Variants in ASTN2 observed in about 807,000 individuals in gnomAD.
ASTN2 encodes the protein astrotactin-2.
A neutral mutation model predicts 139.8 loss-of-function variants in ASTN2; 54 were observed. The ratio of observed to expected loss-of-function variants is 0.39; its 90% CI spans 0.31 to 0.48. The LOEUF (loss-of-function observed/expected upper bound fraction) is 0.48. Among genes scored for constraint, ASTN2 ranks in the 20% least tolerant of loss-of-function variants. ASTN2 has a pLI of 0.95. For missense variants in ASTN2, 1,565 were observed against 1,725.1 expected, an observed-to-expected ratio of 0.91 and a Z score of 1.64; for synonymous variants, 756 against 719.5, an observed-to-expected ratio of 1.05 and a Z score of -0.81.
intron 1 of ASTN2, among the ~76,000 whole-genome samples, chr9:117,379,021 C>T (rs1564174864): frequency 6.6e-6 from 1 of 152,134 alleles, no homozygotes. Context: ...ACGTCATGCT[C>T]CCTCTTTGCC....
chr9:116,473,997 T>G (rs1848900511), intron 20 of ASTN2, among the ~76,000 whole-genome samples: 1 of 152,184 alleles, frequency 6.6e-6, no homozygotes, highest in Non-Finnish European at 1.5e-5. Context: ...GCTCTGCATG[T>G]GTATTTGTTT....
In ASTN2 at chr9:116,520,810, A is replaced by G. The variant is rs1401705739; in HGVS notation, c.3356-33310T>C. ...TAAATGAATTCAGCAAAGCTTCAGG[A>G]TAGAAAATTAATGTACACAAATCAG... On this transcript the variant is annotated intron_variant, in intron 19 of 22. Coordinates refer to ENST00000313400, the MANE Select transcript of ASTN2 (RefSeq NM_001365068.1). Among the ~76,000 whole-genome samples the G allele has an allele frequency of 2.6e-5, 4 of 152,180 alleles. No homozygotes were observed. In the East Asian group the frequency reaches 7.7e-4, roughly 29 times the overall value.
Position 116,921,504 on chromosome 9 carries a change from T to G in ASTN2, c.1889+53704A>C, listed in dbSNP as rs1834604136. Among the ~76,000 whole-genome samples, 5 of 147,498 alleles carry G rather than the reference T, an allele frequency of 3.4e-5. No homozygotes were observed. The South Asian group carries it at 1.1e-3, about 31-fold the overall frequency. ...TCCGGAGGCTGAGGCAGGAGAATGG[T>G]GTGAACCTGGGAAGCGGAGCTTGCA... is the stretch of plus-strand genomic sequence containing the variant. On this transcript the variant is annotated intron_variant, in intron 10 of 22. Coordinates refer to ENST00000313400, the MANE Select transcript of ASTN2 (RefSeq NM_001365068.1).
At chr9:116,686,891 C>A in intron 16 of ASTN2, 1 of 1,525,746 alleles carries the variant, frequency 6.6e-7, no homozygotes, top group South Asian at 1.2e-5. Flanking sequence ...TCCCGGTTCT[C>A]GACTTCCCCA....
intron 10 of ASTN2, among the ~76,000 whole-genome samples, chr9:116,930,015 T>A (rs1475079297): frequency 6.6e-6 from 1 of 152,162 alleles, no homozygotes; most frequent in Admixed American, 6.5e-5. Context: ...CTGGGAAGGA[T>A]GCTTGCTGGA....
At chr9:117,068,597 T>G (rs1828019454) in intron 5 of ASTN2, among the ~76,000 whole-genome samples, 1 of 110,074 alleles carries the variant, frequency 9.1e-6, no homozygotes, top group African/African-American at 3.6e-5. Context: ...CAGTTCCTCC[T>G]TGTACCTCTG....
intron 2 of ASTN2, among the ~76,000 whole-genome samples, chr9:117,286,253 A>G (rs1410323157): frequency 6.6e-6 from 1 of 152,236 alleles, no homozygotes; most frequent in African/African-American, 2.4e-5. Context: ...AATGAAAAAA[A>G]CAAATAAATG....
At chr9:116,604,645 C>G (rs1855093607) in intron 19 of ASTN2, among the ~76,000 whole-genome samples, 1 of 152,158 alleles carries the variant, frequency 6.6e-6, no homozygotes, top group Non-Finnish European at 1.5e-5. Flanking sequence ...TCATAAATAC[C>G]TACAATGTAA....
intron 1 of ASTN2, among the ~76,000 whole-genome samples, chr9:117,381,469 A>G (rs1830268766): frequency 6.6e-6 from 1 of 152,162 alleles, no homozygotes; most frequent in African/African-American, 2.4e-5. Context: ...AGTGCCATCC[A>G]CTTGGTACCA....
At chr9:117,017,271 CTT>C (rs1271559752) in intron 6 of ASTN2, among the ~76,000 whole-genome samples, 2 of 151,930 alleles carry the variant, frequency 1.3e-5, no homozygotes, top group African/African-American at 2.4e-5. Context: ...TTTTTGAACT[CTT>C]TTTATGACTT....
intron 2 of ASTN2, among the ~76,000 whole-genome samples, chr9:117,244,306 A>G (rs529301766): frequency 1.4e-4 from 21 of 152,286 alleles, no homozygotes; most frequent in African/African-American, 4.6e-4. Context: ...ACTACATCTC[A>G]GTCAGGTGGC....
At chr9:116,476,397 A>G (rs1268334834) in intron 20 of ASTN2, among the ~76,000 whole-genome samples, 1 of 152,092 alleles carries the variant, frequency 6.6e-6, no homozygotes, top group Non-Finnish European at 1.5e-5. Flanking sequence ...ACCCACTGCA[A>G]TCCATCCTCT....
chr9:117,188,897 A>T (rs528897592), intron 3 of ASTN2, among the ~76,000 whole-genome samples: 58 of 152,092 alleles, frequency 3.8e-4, no homozygotes, highest in African/African-American at 1.1e-3. Flanking sequence ...GGCCTCTCTA[A>T]CCATGCTCAG....
At chr9:116,502,839 G>A (rs1381521455) in intron 19 of ASTN2, among the ~76,000 whole-genome samples, 2 of 142,062 alleles carry the variant, frequency 1.4e-5, no homozygotes, top group Admixed American at 1.5e-4. Context: ...GAGGGAGGGA[G>A]AGAGGGAAGG....
intron 2 of ASTN2, among the ~76,000 whole-genome samples, chr9:117,274,370 G>A (rs1362804497): frequency 6.6e-6 from 1 of 152,106 alleles, no homozygotes; most frequent in Non-Finnish European, 1.5e-5. Flanking sequence ...AGTCTGGGTT[G>A]GAACAGGCCA....
chr9:116,808,277 TTGTGTG>T (rs10553571), intron 12 of ASTN2, among the ~76,000 whole-genome samples: 34,874 of 149,586 alleles, frequency 0.23, 4,385 homozygotes, highest in East Asian at 0.48. Context: ...TAAATACATA[TTGTGTG>T]TGTGTGTGTG....
At chr9:117,008,752 T>A (rs1270894985) in intron 6 of ASTN2, among the ~76,000 whole-genome samples, 1 of 152,208 alleles carries the variant, frequency 6.6e-6, no homozygotes, top group Non-Finnish European at 1.5e-5. Context: ...CTCAGATGTC[T>A]CCTCTGGAAC....
At chr9:117,402,318 C>G (rs1426323262) in intron 1 of ASTN2, among the ~76,000 whole-genome samples, 7 of 152,186 alleles carry the variant, frequency 4.6e-5, no homozygotes, top group African/African-American at 1.7e-4. Context: ...CTGCCTGCCT[C>G]CGCCTCCAAA....
At chr9:117,378,520 A>G (rs1353225365) in intron 1 of ASTN2, among the ~76,000 whole-genome samples, 1 of 152,174 alleles carries the variant, frequency 6.6e-6, no homozygotes, top group Non-Finnish European at 1.5e-5. Context: ...ATTCTCAGGG[A>G]GACATTACGA....
Sources: allele counts gnomAD v4.1 joint callset (sites outside exome capture counted in the v4.1 genomes callset), GRCh38; gene constraint gnomAD v4.1.1; transcripts MANE v1.5; gene names NCBI Gene and HGNC (gene_info 2026-07-23, HGNC 2026-07-21).